Variants in AVL9 observed in about 807,000 individuals in gnomAD.
AVL9 encodes the protein AVL9 cell migration associated, also known as late secretory pathway protein AVL9 homolog.
Under a neutral mutation model 79.2 loss-of-function variants are expected in AVL9, and 49 were observed. The ratio of observed to expected loss-of-function variants is 0.62; its 90% confidence interval spans 0.49 to 0.79. The LOEUF (loss-of-function observed/expected upper bound fraction) is 0.79. Among genes scored for constraint, AVL9 ranks in the 30% least tolerant of loss-of-function variants. The pLI is 0.00. For synonymous variants in AVL9, 299 were observed against 280.6 expected (o/e 1.07, Z -0.65); for missense variants, 682 against 776.8 (o/e 0.88, Z 1.45).
At chr7:32,548,151 C>CTTTTGTTTTCTTTTTGTTTTTTTTTT (rs71559236) in intron 3 of AVL9, among the ~76,000 whole-genome samples, 5 of 131,600 alleles carry the variant, frequency 3.8e-5, no homozygotes, top group East Asian at 2.1e-4. Context: ...TCTCTTTTTT[C>CTTTTGTTTTCTTTTTGTTTTTTTTTT]TTTTTTTTTT....
Position 32,495,716 on chromosome 7 carries a change from A to G in AVL9, c.7A>G (p.Lys3Glu). Residue 3 changes from lysine to glutamate, a missense_variant, in exon 1 of 16, where the codon AAG (lysine) becomes GAG (glutamate). By Grantham distance (56) the Lys-to-Glu change is moderately conservative (BLOSUM62 1). Coordinates refer to ENST00000318709, the MANE Select transcript of AVL9 (RefSeq NM_015060.3). ...GGGCCCGCGGCGGCCGCCCATGGAG[A>G]AGGCCAGGAGAGGCGGGGATGGCGT... is the stretch of plus-strand genomic sequence containing the variant. ME[K>E]ARRGGDGVPR... is the part of the protein sequence containing the mutation. The G allele has an allele frequency of 8.0e-7, 1 of 1,257,176 alleles. No homozygotes were observed. Among genetic ancestry groups the G allele is most frequent in the Non-Finnish European group, 1.0e-6 (1 of 991,500 alleles). The allele number at this position is 1,257,176 out of a possible 1,614,324, so 77.9% of individuals were successfully genotyped here.
chr7:32,521,214 G>A (rs763777491), intron 1 of AVL9, among the ~76,000 whole-genome samples: 1 of 152,188 alleles, frequency 6.6e-6, no homozygotes, highest in African/African-American at 2.4e-5. Context: ...ACTTGAAAAT[G>A]TGGAAGCGAC....
At position 32,554,587 on chromosome 7, in the gene AVL9, T is replaced by TG; in HGVS notation, c.601dup (p.Glu201GlyfsTer13). On this transcript the variant is annotated frameshift_variant, in exon 8 of 16. Transcript: ENST00000318709. LOFTEE classifies it high-confidence loss of function. ...TAATCCTATTTAAGCTAATTCTTCT[T>TG]GAAAAAAAGGTACGATCCTAAGGGA... 1.3e-6 allele frequency: 2 copies of TG among 1,550,698 alleles called. No individual in the cohort carries two copies. Among genetic ancestry groups the TG allele is most frequent in the Non-Finnish European group, 1.8e-6 (2 of 1,142,496 alleles).
chr7:32,546,919 T>C (rs1022539978), intron 3 of AVL9, among the ~76,000 whole-genome samples: 1 of 152,232 alleles, frequency 6.6e-6, no homozygotes, highest in Non-Finnish European at 1.5e-5. Context: ...TATACTATTG[T>C]AATCGAACCC....
rs928615585 is a variant in AVL9, at chr7:32,502,782, A to T, written c.93+6980A>T. Among the ~76,000 whole-genome samples, 4 of 152,318 alleles carry T rather than the reference A, an allele frequency of 2.6e-5. No individual in the cohort carries two copies. The East Asian group carries it at 7.7e-4, about 29-fold the overall frequency. ...TCTCTTCAGAGCAAATGTCACTCAT[A>T]CTGTGGCATTCTCCGTTTAACATAG... On this transcript the variant is annotated intron_variant, in intron 1 of 15. Coordinates refer to ENST00000318709, the MANE Select transcript of AVL9 (RefSeq NM_015060.3).
At chr7:32,569,424 A>G (rs1790725034) in intron 10 of AVL9, among the ~76,000 whole-genome samples, 1 of 152,182 alleles carries the variant, frequency 6.6e-6, no homozygotes, top group Non-Finnish European at 1.5e-5. Flanking sequence ...TAATTTTTGG[A>G]GCAATGCTGT....
intron 1 of AVL9, among the ~76,000 whole-genome samples, chr7:32,511,233 C>T (rs1263537981): frequency 7.0e-6 from 1 of 142,944 alleles, no homozygotes; most frequent in African/African-American, 2.6e-5. Context: ...GCCATCAAGT[C>T]TCTTTGGGAG....
intron 1 of AVL9, among the ~76,000 whole-genome samples, chr7:32,516,353 A>G (rs1261219955): frequency 9.1e-6 from 1 of 110,026 alleles, no homozygotes; most frequent in Non-Finnish European, 2.1e-5. Context: ...CATTCTACAG[A>G]GTCTTCTCCA....
At chr7:32,544,600 G>A (rs1376422735) in intron 2 of AVL9, 94 bp from the exon 3 acceptor site, 1 of 773,976 alleles carries the variant, frequency 1.3e-6, no homozygotes, top group Admixed American at 2.6e-5. Context: ...CATCATTTTT[G>A]TGTTAATGAC....
intron 1 of AVL9, among the ~76,000 whole-genome samples, chr7:32,523,597 C>T (rs1474886410): frequency 6.9e-6 from 1 of 144,588 alleles, no homozygotes; most frequent in African/African-American, 2.5e-5. Flanking sequence ...CTCACTGCAG[C>T]CTCCGCCTTC....
chr7:32,519,414 C>G (rs757263647), intron 1 of AVL9, among the ~76,000 whole-genome samples: 13 of 145,868 alleles, frequency 8.9e-5, no homozygotes, highest in African/African-American at 3.3e-4. Flanking sequence ...GGCGACAGAG[C>G]GAGACTCTGT....
chr7:32,501,413 C>T (rs908812330), intron 1 of AVL9, among the ~76,000 whole-genome samples: 2 of 152,180 alleles, frequency 1.3e-5, no homozygotes, highest in African/African-American at 4.8e-5. Flanking sequence ...GCTAGTTTTA[C>T]AGAAACTTTG....
rs10807861 is a variant in AVL9 at position 32,585,342 on chromosome 7, T to C, written c.*1435T>C. The C allele has an allele frequency of 0.84, 127,591 of 152,216 alleles. 53,528 individuals carry two copies. Among genetic ancestry groups the C allele is most frequent in the Middle Eastern group, 0.89 (262 of 296 alleles). 9.4% of individuals were successfully genotyped at this position (152,216 alleles called of 1,614,324 possible). A position where few individuals can be genotyped will look rare whatever the true frequency, so the allele number is the denominator to read the frequency against. On this transcript the variant is annotated 3_prime_UTR_variant, in exon 16 of 16. Coordinates refer to ENST00000318709, the MANE Select transcript of AVL9 (RefSeq NM_015060.3). ...TTGACATCTGTCATCTGAGAAAGGA[T>C]ATCTGGTTTCATGTTAGGCACATAC...
At chr7:32,552,057 A>C (rs938179453) in intron 5 of AVL9, among the ~76,000 whole-genome samples, 172 bp from the exon 6 acceptor site, 1 of 152,226 alleles carries the variant, frequency 6.6e-6, no homozygotes, top group Non-Finnish European at 1.5e-5. Flanking sequence ...CATATCCAGA[A>C]GAGAAGAAAT....
intron 1 of AVL9, among the ~76,000 whole-genome samples, chr7:32,496,184 T>C (rs571642070): frequency 6.6e-6 from 1 of 152,272 alleles, no homozygotes; most frequent in South Asian, 2.1e-4. Flanking sequence ...TCTAGAAAAA[T>C]TCAGTGCTTG....
Position 32,554,588 on chromosome 7 carries a change from G to T in AVL9, c.601G>T (p.Glu201Ter). 4 of 1,500,568 alleles carry T rather than the reference G, an allele frequency of 2.7e-6. No homozygotes were observed. Among genetic ancestry groups the T allele is most frequent in the Non-Finnish European group, 3.6e-6 (4 of 1,108,706 alleles). 93.0% of individuals were successfully genotyped at this position (1,500,568 alleles called of 1,614,324 possible). A position where few individuals can be genotyped will look rare whatever the true frequency, so the allele number is the denominator to read the frequency against. ...VLILFKLILL[E>*]KKVLFYISPV... ...AATCCTATTTAAGCTAATTCTTCTT[G>T]AAAAAAAGGTACGATCCTAAGGGAT... Residue 201 changes from glutamate (E) to a stop codon, truncating the protein, a stop_gained, in exon 8 of 16, where the codon GAA becomes TAA. Coordinates refer to ENST00000318709, the MANE Select transcript of AVL9 (RefSeq NM_015060.3). LOFTEE classifies it high-confidence loss of function.
chr7:32,563,086 C>T (rs1790397698), intron 10 of AVL9, among the ~76,000 whole-genome samples: 1 of 152,134 alleles, frequency 6.6e-6, no homozygotes, highest in Non-Finnish European at 1.5e-5. Context: ...GGCTGGAGTA[C>T]AGTGGCGTGA....
intron 1 of AVL9, among the ~76,000 whole-genome samples, chr7:32,515,987 C>T (rs1460168861): frequency 1.3e-5 from 2 of 152,276 alleles, no homozygotes; most frequent in African/African-American, 2.4e-5. Flanking sequence ...CTTTGCCATA[C>T]TCAGTACGAA....
Position 32,559,368 on chromosome 7 carries a change from A to G in AVL9, c.1119A>G (p.Gln373=), listed in dbSNP as rs760834449. The change falls in exon 10 of 16, where the codon CAA becomes CAG. Residue 373 remains glutamine (Q), a synonymous_variant. Coordinates refer to ENST00000318709, the MANE Select transcript of AVL9 (RefSeq NM_015060.3). ...CAGAGAGTCTTCCAATTACTGTACA[A>G]CCTCAAGCTAATACGGGACAGGTAG... is the stretch of plus-strand genomic sequence containing the variant. ...VPSESLPITV[Q]PQANTGQVVL... 6.2e-7 allele frequency: 1 copy of G among 1,613,980 alleles called. No homozygotes were observed. Among genetic ancestry groups the G allele is most frequent in the East Asian group, 2.2e-5 (1 of 44,876 alleles).
Sources: allele counts gnomAD v4.1 joint callset (sites outside exome capture counted in the v4.1 genomes callset), GRCh38; gene constraint gnomAD v4.1.1; transcripts MANE v1.5; gene names NCBI Gene and HGNC (gene_info 2026-07-23, HGNC 2026-07-21).